Variants in CNP observed in about 807,000 individuals in gnomAD.
CNP encodes 2',3'-cyclic nucleotide 3' phosphodiesterase.
A neutral mutation model predicts 37.9 loss-of-function variants in CNP; 8 were observed. The observed-to-expected ratio is 0.21, with a 90% CI of 0.12 to 0.38. CNP has a LOEUF of 0.38. CNP is among the 10% of genes least tolerant of loss of function. The probability of loss-of-function intolerance (pLI) is 1.00; values close to 1 mark genes in which losing one functional copy is unlikely to be tolerated. For missense variants in CNP, 457 were observed against 551.0 expected, an observed-to-expected ratio of 0.83 and a Z score of 1.71; for synonymous variants, 237 against 238.3, an observed-to-expected ratio of 0.99 and a Z score of 0.05.
Position 41,973,945 on chromosome 17 carries a change from G to A in CNP, c.*21G>A. ...TATGAGTGTTCTCACCACCACTTAT[G>A]CCCCTAGAAGGGAAGGGGAGAGGGA... is the stretch of plus-strand genomic sequence containing the variant. On this transcript the variant is annotated 3_prime_UTR_variant, in exon 4 of 4. Transcript: ENST00000393892. The A allele has an allele frequency of 6.9e-7, 1 of 1,451,672 alleles. No homozygotes were observed. The highest frequency in any genetic ancestry group is 9.1e-7 in the Non-Finnish European group (1 of 1,102,464). The allele number at this position is 1,451,672 out of a possible 1,614,324, so 89.9% of individuals were successfully genotyped here.
In CNP at chr17:41,977,426, GGA is replaced by G. The variant is rs2051118066; in HGVS notation, c.*3506_*3507del. 1 of 1,087,324 alleles carries G rather than the reference GGA, an allele frequency of 9.2e-7. No individual in the cohort carries two copies. The highest frequency in any genetic ancestry group is 1.3e-6 in the Non-Finnish European group (1 of 740,824). 67.4% of individuals were successfully genotyped at this position (1,087,324 alleles called of 1,614,324 possible). On this transcript the variant is annotated 3_prime_UTR_variant, in exon 4 of 4. Coordinates refer to ENST00000393892, the MANE Select transcript of CNP (RefSeq NM_033133.5). ...GAGAACAGATCTCCAAAGCTTTCCT[GGA>G]GAGTCTCACTCCCCTCCTTTCCCAA...
chr17:41,972,632 C>T (rs1555644001), intron 3 of CNP, among the ~76,000 whole-genome samples: 1 of 152,206 alleles, frequency 6.6e-6, no homozygotes, highest in Admixed American at 6.5e-5. Flanking sequence ...CACTTCTCTG[C>T]CTAGGTTAGC....
intron 2 of CNP, chr17:41,971,691 C>T: frequency 3.5e-6 from 2 of 579,380 alleles, no homozygotes; most frequent in East Asian, 3.3e-5. Flanking sequence ...AACCACCGCA[C>T]CTGGCCTGAG....
rs1356258066 is a variant in CNP at position 41,974,986 on chromosome 17, A to C, written c.*1062A>C. On this transcript the variant is annotated 3_prime_UTR_variant, in exon 4 of 4. Coordinates refer to ENST00000393892, the MANE Select transcript of CNP (RefSeq NM_033133.5). Reference sequence around the variant, plus strand: ...CAAGTCCCACCGGTTGCTTCTGGGAAGGGGTTTCTAACACTAGTCTGTGTG... The same window carrying C: ...CAAGTCCCACCGGTTGCTTCTGGGACGGGGTTTCTAACACTAGTCTGTGTG... The C allele has an allele frequency of 6.6e-6, 1 of 152,296 alleles. No individual in the cohort carries two copies. Among genetic ancestry groups the C allele is most frequent in the Non-Finnish European group, 1.5e-5 (1 of 68,140 alleles). The allele number at this position is 152,296 out of a possible 1,614,324, so 9.4% of individuals were successfully genotyped here.
Position 41,976,591 on chromosome 17 carries a change from A to G in CNP, c.*2667A>G. ...GTTCCCTTTGCTCCACCCCACTCAC[A>G]GAGACACAGGGCATCCAACTGAGAA... is the stretch of plus-strand genomic sequence containing the variant. On this transcript the variant is annotated 3_prime_UTR_variant, in exon 4 of 4. Coordinates refer to ENST00000393892, the MANE Select transcript of CNP (RefSeq NM_033133.5). 7 of 1,081,204 alleles carry G rather than the reference A, an allele frequency of 6.5e-6. No homozygotes were observed. Among genetic ancestry groups the G allele is most frequent in the Non-Finnish European group, 7.8e-6 (6 of 767,208 alleles). The allele number at this position is 1,081,204 out of a possible 1,614,324, so 67.0% of individuals were successfully genotyped here. A position where few individuals can be genotyped will look rare whatever the true frequency, so the allele number is the denominator to read the frequency against.
At position 41,968,355 on chromosome 17, in the gene CNP, C is replaced by T. The variant is rs555951916; in HGVS notation, c.291C>T (p.Ser97=). 2.4e-5 allele frequency: 39 copies of T among 1,614,060 alleles called. 1 individual carries two copies. In the South Asian group the frequency reaches 3.6e-4, roughly 15 times the overall value. ...CCCCCGGCGCTCGAGGAGCCTTCTC[C>T]GAGGAGTACAAGCGGCTCGATGAGG... ...KITPGARGAF[S]EEYKRLDEDL... The change falls in exon 2 of 4, where the codon TCC becomes TCT. Residue 97 remains serine, a synonymous_variant. Coordinates refer to ENST00000393892, the MANE Select transcript of CNP (RefSeq NM_033133.5). This position sits in a 1 kb window ranked among gnomAD's most constrained non-coding sequence, Gnocchi z 4.8.
intron 1 of CNP, chr17:41,967,246 A>G (rs2050912914): frequency 9.1e-6 from 2 of 220,054 alleles, no homozygotes; most frequent in Non-Finnish European, 1.8e-5. Flanking sequence ...GCCCAGTCTC[A>G]TCACGCGGAA....
rs71705091 is a variant in CNP at position 41,976,461 on chromosome 17, CTT to C, written c.*2546_*2547del. 3.0e-6 allele frequency: 1 copy of C among 335,940 alleles called. No homozygotes were observed. Among genetic ancestry groups the C allele is most frequent in the South Asian group, 4.1e-5 (1 of 24,438 alleles). 20.8% of individuals were successfully genotyped at this position (335,940 alleles called of 1,614,324 possible). A position where few individuals can be genotyped will look rare whatever the true frequency, so the allele number is the denominator to read the frequency against. On this transcript the variant is annotated 3_prime_UTR_variant, in exon 4 of 4. Coordinates refer to ENST00000393892, the MANE Select transcript of CNP (RefSeq NM_033133.5). ...AGGAAGGGTCAAAACATTTTATTCT[CTT>C]TTTTTTTTCTTTTTTAATAAAGTTA... is the stretch of plus-strand genomic sequence containing the variant.
intron 2 of CNP, chr17:41,970,925 A>G (rs1436009872): frequency 1.3e-5 from 2 of 152,156 alleles, no homozygotes; most frequent in African/African-American, 4.8e-5. Context: ...CAGCCCCATA[A>G]TGTCACCCCA....
chr17:41,968,685 G>T lies in CNP; in HGVS notation c.621G>T (p.Gln207His). The change falls in exon 2 of 4, where the codon CAG (glutamine) becomes CAT (histidine). Residue 207 changes from glutamine (Q) to histidine (H), a missense_variant. Physicochemically the swap from Gln to His is conservative, Grantham distance 24. Around this residue, in one of 2 missense-constraint regions of CNP, gnomAD observed 291 missense variants for 291.7 expected, o/e 1.00. Transcript: ENST00000393892. The surrounding 1 kb of genome is among the most constrained non-coding windows in gnomAD (Gnocchi z 4.8). The part of the protein sequence containing the change: ...KSSETLRKAG[Q>H]VFLEELGNHK... ...CTGAGACCCTCCGCAAAGCCGGCCA[G>T]GTCTTCCTGGAAGAGCTGGGGAACC... 6.2e-7 allele frequency: 1 copy of T among 1,613,978 alleles called. No homozygotes were observed.
At position 41,976,599 on chromosome 17, in the gene CNP, A is replaced by G. The variant is rs2051086536; in HGVS notation, c.*2675A>G. The G allele has an allele frequency of 1.7e-6, 2 of 1,148,604 alleles. No individual in the cohort carries two copies. The highest frequency in any genetic ancestry group is 2.4e-6 in the Non-Finnish European group (2 of 819,502). The allele number at this position is 1,148,604 out of a possible 1,614,324, so 71.2% of individuals were successfully genotyped here. ...TGCTCCACCCCACTCACAGAGACAC[A>G]GGGCATCCAACTGAGAAAACGAAAC... is the stretch of plus-strand genomic sequence containing the variant. On this transcript the variant is annotated 3_prime_UTR_variant, in exon 4 of 4. Transcript: ENST00000393892.
chr17:41,967,921 G>A, intron 1 of CNP, 147 bp from the exon 2 acceptor site: 2 of 1,463,040 alleles, frequency 1.4e-6, no homozygotes, highest in Non-Finnish European at 9.0e-7. Context: ...GACCAGAAGC[G>A]GAAAGGTGCT....
intron 2 of CNP, 130 bp from the exon 3 acceptor site, chr17:41,971,762 G>A: frequency 8.3e-7 from 1 of 1,205,170 alleles, no homozygotes; most frequent in Admixed American, 2.3e-5. Flanking sequence ...CAATGAATGA[G>A]CTGTAGTGGG....
In CNP at chr17:41,968,570, T is replaced by C; in HGVS notation, c.506T>C (p.Leu169Pro). 6.2e-7 allele frequency: 1 copy of C among 1,614,048 alleles called. No individual in the cohort carries two copies. Among genetic ancestry groups the C allele is most frequent in the Non-Finnish European group, 8.5e-7 (1 of 1,180,032 alleles). The part of the protein sequence containing the change: ...AQLKEKNQWQ[L>P]SADDLKKLKP... ...CTCAAGGAGAAGAACCAGTGGCAGC[T>C]GTCGGCTGATGACCTGAAGAAGCTG... The change falls in exon 2 of 4, where the codon CTG (leucine) becomes CCG (proline). Residue 169 changes from leucine to proline, a missense_variant. This residue lies in a region of CNP where 166 missense variants were observed against 259.3 expected (regional missense o/e 0.64). Coordinates refer to ENST00000393892, the MANE Select transcript of CNP (RefSeq NM_033133.5). This position sits in a 1 kb window ranked among gnomAD's most constrained non-coding sequence, Gnocchi z 4.8.
At position 41,972,019 on chromosome 17, in the gene CNP, C is replaced by T. The variant is rs377440178; in HGVS notation, c.804C>T (p.Tyr268=). The change falls in exon 3 of 4, where the codon TAC becomes TAT. Residue 268 remains tyrosine (Y), a synonymous_variant. Transcript: ENST00000393892. The part of the protein sequence containing the change: ...DYGKAPGAEE[Y]AQQDVLKKSY... ...GGAAGGCTCCCGGGGCAGAGGAGTA[C>T]GCTCAACAAGATGTGAGTCTTCCCC... 145 of 1,613,490 alleles carry T rather than the reference C, an allele frequency of 9.0e-5. No homozygotes were observed. The highest frequency in any genetic ancestry group is 3.0e-4 in the South Asian group (27 of 91,054).
Position 41,973,639 on chromosome 17 carries a change from C to A in CNP, c.981C>A (p.Ser327Arg). ...LSPTDNLPRGSRAHITLGCAA... is the reference protein window; with the variant it reads ...LSPTDNLPRGRRAHITLGCAA... The stretch of plus-strand genomic sequence containing the variant: ...CCACTGACAACCTGCCGCGGGGGAG[C>A]CGCGCCCACATCACCCTCGGCTGTG... The change falls in exon 4 of 4, where the codon AGC becomes AGA. Residue 327 changes from serine to arginine, a missense_variant. By Grantham distance (110) the Ser-to-Arg change is moderately radical. Coordinates refer to ENST00000393892, the MANE Select transcript of CNP (RefSeq NM_033133.5). 1 of 1,614,106 alleles carries A rather than the reference C, an allele frequency of 6.2e-7. No individual in the cohort carries two copies. The highest frequency in any genetic ancestry group is 8.5e-7 in the Non-Finnish European group (1 of 1,180,046).
At position 41,973,587 on chromosome 17, in the gene CNP, G is replaced by C; in HGVS notation, c.929G>C (p.Trp310Ser). 2 of 1,614,204 alleles carry C rather than the reference G, an allele frequency of 1.2e-6. No homozygotes were observed. The highest frequency in any genetic ancestry group is 1.7e-6 in the Non-Finnish European group (2 of 1,180,040). ...VELSEQQLQL[W>S]PSDVDKLSPT... is the part of the protein sequence containing the mutation. ...TTAAGCGAGCAGCAACTGCAGTTGT[G>C]GCCGAGTGATGTGGACAAGCTGTCA... is the stretch of plus-strand genomic sequence containing the variant. The change falls in exon 4 of 4, where the codon TGG (tryptophan) becomes TCG (serine). Residue 310 changes from tryptophan (W) to serine (S), a missense_variant. Transcript: ENST00000393892.
rs1435553010 is a variant in CNP at position 41,976,933 on chromosome 17, C to T, written c.*3009C>T. 3.8e-6 allele frequency: 3 copies of T among 790,738 alleles called. No individual in the cohort carries two copies. The highest frequency in any genetic ancestry group is 6.0e-6 in the Non-Finnish European group (3 of 504,006). 49.0% of individuals were successfully genotyped at this position (790,738 alleles called of 1,614,324 possible). ...GGCTGTTTTTGGGTGCAAGAGGGAG[C>T]ACGTGACTGTATTATACATGGGTAG... is the stretch of plus-strand genomic sequence containing the variant. On this transcript the variant is annotated 3_prime_UTR_variant, in exon 4 of 4. Coordinates refer to ENST00000393892, the MANE Select transcript of CNP (RefSeq NM_033133.5).
At chr17:41,967,767 A>G in intron 1 of CNP, 1 of 1,185,336 alleles carries the variant, frequency 8.4e-7, no homozygotes, top group Non-Finnish European at 1.1e-6. Flanking sequence ...GGTGCCAAGC[A>G]TATAAGAGTG....
Sources: allele counts gnomAD v4.1 joint callset (sites outside exome capture counted in the v4.1 genomes callset), GRCh38; gene constraint gnomAD v4.1.1; regional missense constraint gnomAD v4.1.1; non-coding constraint Gnocchi (gnomAD v3.1); transcripts MANE v1.5; gene names NCBI Gene and HGNC (gene_info 2026-07-23, HGNC 2026-07-21).